Variants in CASZ1 observed in about 807,000 individuals in gnomAD.
CASZ1 encodes zinc finger protein castor homolog 1.
CASZ1 carries 28 observed loss-of-function variants against 135.2 expected under a neutral mutation model. That is an observed-to-expected ratio of 0.21 (90% confidence interval 0.15 to 0.28). The LOEUF (loss-of-function observed/expected upper bound fraction) is 0.28. Among genes scored for constraint, CASZ1 ranks in the 10% least tolerant of loss-of-function variants. The pLI is 1.00. For missense variants in CASZ1, 2,161 were observed against 2,453.3 expected (o/e 0.88, Z 2.52); for synonymous variants, 1,068 against 1,073.4 (o/e 0.99, Z 0.10).
chr1:10,729,035 C>T (rs1457719573), intron 2 of CASZ1, among the ~76,000 whole-genome samples: 1 of 152,020 alleles, frequency 6.6e-6, no homozygotes, highest in Non-Finnish European at 1.5e-5. Context: ...GGGGACAAAA[C>T]CCTGTCTTGG....
chr1:10,654,307 G>A (rs1262606829), intron 10 of CASZ1, 89 bp from the exon 11 acceptor site: 53 of 1,576,688 alleles, frequency 3.4e-5, no homozygotes, highest in Non-Finnish European at 4.3e-5. Flanking sequence ...TCCCCCGGGT[G>A]GAAAACCCAG....
chr1:10,656,554 C>T, intron 8 of CASZ1, 92 bp downstream of exon 8: 2 of 952,214 alleles, frequency 2.1e-6, no homozygotes, highest in Non-Finnish European at 3.3e-6. Context: ...TAGAACTAAC[C>T]CCCCCCACTG....
chr1:10,716,721 C>G (rs1639401101), intron 2 of CASZ1, among the ~76,000 whole-genome samples: 1 of 152,206 alleles, frequency 6.6e-6, no homozygotes, highest in African/African-American at 2.4e-5. Context: ...CCAAGAGCTG[C>G]CCAGTGGCAG....
In CASZ1 at chr1:10,767,825, C is replaced by A. The variant is rs1040831784; in HGVS notation, c.-233-6968G>T. Among the ~76,000 whole-genome samples the A allele has an allele frequency of 4.6e-5, 7 of 152,192 alleles. No individual in the cohort carries two copies. Among genetic ancestry groups the A allele is most frequent in the Non-Finnish European group, 8.8e-5 (6 of 68,044 alleles). ...TGCCCACTGCCCCGGGGATCACTTCCCTCGCTGGCCCTGTCCACAGCCCTC... is the reference window on the plus strand; with the variant it reads ...TGCCCACTGCCCCGGGGATCACTTCACTCGCTGGCCCTGTCCACAGCCCTC... On this transcript the variant is annotated intron_variant, in intron 1 of 20. Coordinates refer to ENST00000377022, the MANE Select transcript of CASZ1 (RefSeq NM_001079843.3). This position sits in a 1 kb window ranked among gnomAD's most constrained non-coding sequence, Gnocchi z 4.2.
intron 5 of CASZ1, chr1:10,660,834 T>C: frequency 1.2e-5 from 5 of 432,564 alleles, no homozygotes; most frequent in Non-Finnish European, 2.1e-5. Flanking sequence ...GTTTCATAAA[T>C]GTCTCCGCTC....
intron 6 of CASZ1, 46 bp downstream of exon 6, chr1:10,659,656 A>C: frequency 1.3e-6 from 2 of 1,493,582 alleles, no homozygotes; most frequent in Non-Finnish European, 1.9e-6. Flanking sequence ...CCTCCTGTCT[A>C]GTCTGGCTCC....
intron 4 of CASZ1, among the ~76,000 whole-genome samples, chr1:10,680,689 A>G (rs1235172545): frequency 3.3e-5 from 5 of 152,240 alleles, no homozygotes; most frequent in Non-Finnish European, 7.4e-5. Flanking sequence ...AGGCGGGCAG[A>G]CGGACTTGCT....
rs773142554 is a variant in CASZ1, at chr1:10,654,017, G to A, written c.2040C>T (p.Thr680=). ...CIRAGCGFTF[T]STSQMTSHKR... ...TGTGAGAGGTCATCTGGCTGGTGGA[G>A]GTGAAGGTGAAGCCGCAGCCGGCGC... The change falls in exon 11 of 21, where the codon ACC becomes ACT. Residue 680 remains threonine, a synonymous_variant. Coordinates refer to ENST00000377022, the MANE Select transcript of CASZ1 (RefSeq NM_001079843.3). The A allele has an allele frequency of 6.2e-7, 1 of 1,614,240 alleles. No homozygotes were observed. Among genetic ancestry groups the A allele is most frequent in the Non-Finnish European group, 8.5e-7 (1 of 1,180,034 alleles).
rs1159132681 is a variant in CASZ1 at position 10,649,525 on chromosome 1, T to C, written c.2881-88A>G. 8 of 1,436,468 alleles carry C rather than the reference T, an allele frequency of 5.6e-6. No homozygotes were observed. In the East Asian group the frequency reaches 1.9e-4, roughly 35 times the overall value. 89.0% of individuals were successfully genotyped at this position (1,436,468 alleles called of 1,614,324 possible). On this transcript the variant is annotated intron_variant, in intron 13 of 20. Coordinates refer to ENST00000377022, the MANE Select transcript of CASZ1 (RefSeq NM_001079843.3). ...GGGAGCAACAGCCGAAGCTCTGGGCTGCTGGGACCCACCCAGCCCTCAGAG... is the reference window on the plus strand; with the variant it reads ...GGGAGCAACAGCCGAAGCTCTGGGCCGCTGGGACCCACCCAGCCCTCAGAG...
intron 11 of CASZ1, chr1:10,653,170 C>A: frequency 3.1e-6 from 2 of 641,394 alleles, no homozygotes; most frequent in South Asian, 3.5e-5. Flanking sequence ...AAGCATGGCC[C>A]CCCTACTGTG....
At position 10,790,899 on chromosome 1, in the gene CASZ1, G is replaced by C. The variant is rs188098265; in HGVS notation, c.-234+5665C>G. 4.9e-3 allele frequency among the ~76,000 whole-genome samples: 751 copies of C among 152,002 alleles called. 3 individuals carry two copies. Among genetic ancestry groups the C allele is most frequent in the Middle Eastern group, 0.034 (10 of 294 alleles). On this transcript the variant is annotated intron_variant, in intron 1 of 20. Transcript: ENST00000377022. ...GACATCTAGCACATTCTAAAGTTTGGGGGGGGACATCATGAGGAATCTTAT... is the reference window on the plus strand; with the variant it reads ...GACATCTAGCACATTCTAAAGTTTGCGGGGGGACATCATGAGGAATCTTAT...
chr1:10,638,752 A>AG lies in CASZ1; in HGVS notation c.*189dup. On this transcript the variant is annotated 3_prime_UTR_variant, in exon 21 of 21. Coordinates refer to ENST00000377022, the MANE Select transcript of CASZ1 (RefSeq NM_001079843.3). This position sits in a 1 kb window ranked among gnomAD's most constrained non-coding sequence, Gnocchi z 5.9. The stretch of plus-strand genomic sequence containing the variant: ...TGAAGAGACCCGGCCTCCCTAGAGC[A>AG]GGGCCACCGCCGCCGCCTGTGTCCT... 2.4e-6 allele frequency: 1 copy of AG among 414,262 alleles called. No individual in the cohort carries two copies. The highest frequency in any genetic ancestry group is 3.2e-6 in the Non-Finnish European group (1 of 308,056). The allele number at this position is 414,262 out of a possible 1,614,324, so 25.7% of individuals were successfully genotyped here. A position where few individuals can be genotyped will look rare whatever the true frequency, so the allele number is the denominator to read the frequency against.
At chr1:10,683,886 C>T (rs1175369322) in intron 4 of CASZ1, among the ~76,000 whole-genome samples, 1 of 152,314 alleles carries the variant, frequency 6.6e-6, no homozygotes, top group Middle Eastern at 3.4e-3. Flanking sequence ...GGGTACACAT[C>T]GGGGCCAGAG....
Position 10,694,235 on chromosome 1 carries a change from CG to C in CASZ1, c.-23-324del, listed in dbSNP as rs376914749. ...CCCCCGTCCCGCCGACCGCGCCCCGCGCCCGGGTCGCCGCCCGAGACCGCGG... is the reference window on the plus strand; with the variant it reads ...CCCCCGTCCCGCCGACCGCGCCCCGCCCCGGGTCGCCGCCCGAGACCGCGG... On this transcript the variant is annotated intron_variant, in intron 3 of 20. Coordinates refer to ENST00000377022, the MANE Select transcript of CASZ1 (RefSeq NM_001079843.3). The surrounding 1 kb of genome is among the most constrained non-coding windows in gnomAD (Gnocchi z 6.6). 0.011 allele frequency: 8,010 copies of C among 729,122 alleles called. 534 individuals are homozygous for C. In the African/African-American group the frequency reaches 0.14, roughly 13 times the overall value. The allele number at this position is 729,122 out of a possible 1,614,324, so 45.2% of individuals were successfully genotyped here.
rs1445103303 is a variant in CASZ1, at chr1:10,700,909, T to C, written c.-24+4583A>G. Among the ~76,000 whole-genome samples, 1 of 152,196 alleles carries C rather than the reference T, an allele frequency of 6.6e-6. No homozygotes were observed. The highest frequency in any genetic ancestry group is 1.5e-5 in the Non-Finnish European group (1 of 68,034). ...AAAGGTGAATTTTATGGTATATGAA[T>C]GATATCTCAATAAAGCGGTTATTAA... On this transcript the variant is annotated intron_variant, in intron 3 of 20. Coordinates refer to ENST00000377022, the MANE Select transcript of CASZ1 (RefSeq NM_001079843.3). This position sits in a 1 kb window ranked among gnomAD's most constrained non-coding sequence, Gnocchi z 4.2.
intron 1 of CASZ1, among the ~76,000 whole-genome samples, chr1:10,787,580 G>A (rs1028220285): frequency 3.3e-5 from 5 of 152,168 alleles, no homozygotes; most frequent in African/African-American, 1.2e-4. Flanking sequence ...AATTAGTGCT[G>A]GGGAAGGGTG....
intron 20 of CASZ1, among the ~76,000 whole-genome samples, 170 bp from the exon 21 acceptor site, chr1:10,640,229 C>T (rs762588032): frequency 3.9e-5 from 6 of 152,198 alleles, no homozygotes; most frequent in Non-Finnish European, 7.4e-5. Context: ...CCCTCCCTAC[C>T]CTGGCACAGC....
rs1026932389 is a variant in CASZ1, at chr1:10,711,806, C to T, written c.-76-6262G>A. ...TGTGGATAGACCTGGAAATGTTGAACGAGAAAGGAGCCAGACAGACACAAT... is the reference window on the plus strand; with the variant it reads ...TGTGGATAGACCTGGAAATGTTGAATGAGAAAGGAGCCAGACAGACACAAT... On this transcript the variant is annotated intron_variant, in intron 2 of 20. Coordinates refer to ENST00000377022, the MANE Select transcript of CASZ1 (RefSeq NM_001079843.3). The surrounding 1 kb of genome is among the most constrained non-coding windows in gnomAD (Gnocchi z 4.4). Among the ~76,000 whole-genome samples the T allele has an allele frequency of 2.0e-5, 3 of 151,842 alleles. No individual in the cohort carries two copies. The highest frequency in any genetic ancestry group is 2.1e-4 in the South Asian group (1 of 4,810).
chr1:10,663,070 G>A (rs1311435495), intron 5 of CASZ1, among the ~76,000 whole-genome samples: 4 of 152,210 alleles, frequency 2.6e-5, no homozygotes, highest in Non-Finnish European at 5.9e-5. Flanking sequence ...AGACCTGCAC[G>A]GCCCCCGGGG....
Sources: gnomAD v4.1 joint callset for allele counts (sites outside exome capture counted in the v4.1 genomes callset) on GRCh38, gnomAD v4.1.1 for gene constraint, Gnocchi (gnomAD v3.1) non-coding constraint, MANE v1.5 for transcripts, NCBI Gene and HGNC (gene_info 2026-07-23, HGNC 2026-07-21) for gene names.